The following PCBP3 variants were observed in gnomAD, a reference collection of about 807,000 sequenced individuals.
PCBP3 encodes poly(rC)-binding protein 3.
Under a neutral mutation model 52.7 loss-of-function variants are expected in PCBP3, and 25 were observed. The ratio of observed to expected loss-of-function variants is 0.47; its 90% confidence interval spans 0.35 to 0.66. PCBP3 has a LOEUF of 0.66. PCBP3 is among the 30% of genes least tolerant of loss of function. The pLI is 0.01. For synonymous variants in PCBP3, 162 were observed against 183.0 expected (o/e 0.89, Z 0.93); for missense variants, 391 against 490.3 (o/e 0.80, Z 1.91).
chr21:45,832,600 G>C (rs1034371463), intron 4 of PCBP3: 4 of 152,198 alleles, frequency 2.6e-5, no homozygotes, highest in Non-Finnish European at 5.9e-5. Flanking sequence ...CCGTGGCCCC[G>C]TGCTGACCTC....
At chr21:45,934,428 C>T (rs1163330903) in intron 15 of PCBP3, among the ~76,000 whole-genome samples, 1 of 152,174 alleles carries the variant, frequency 6.6e-6, no homozygotes, top group Non-Finnish European at 1.5e-5. Context: ...GAGAGGTTGT[C>T]TTTTATCTGA....
intron 4 of PCBP3, chr21:45,761,308 G>A (rs2088634985): frequency 6.6e-6 from 1 of 152,114 alleles, no homozygotes; most frequent in African/African-American, 2.4e-5. Context: ...CCGCTCCATG[G>A]TCATTCCTTC....
rs904256414 is a variant in PCBP3, at chr21:45,913,856, G to A, written c.601-95G>A. The A allele has an allele frequency of 4.3e-6, 5 of 1,163,782 alleles. No homozygotes were observed. In the African/African-American group the frequency reaches 4.6e-5, roughly 11 times the overall value. The allele number at this position is 1,163,782 out of a possible 1,614,324, so 72.1% of individuals were successfully genotyped here. ...GTGTGGGGAGCGTGGAGCTGGTGCA[G>A]GGGGCTGAGTGGGGTGGGCCGGGGC... On this transcript the variant is annotated intron_variant, in intron 11 of 17. Coordinates refer to ENST00000681687, the MANE Select transcript of PCBP3 (RefSeq NM_001384156.1).
intron 4 of PCBP3, among the ~76,000 whole-genome samples, chr21:45,769,439 G>A (rs1462088972): frequency 6.6e-6 from 1 of 152,274 alleles, no homozygotes; most frequent in African/African-American, 2.4e-5. Flanking sequence ...GACTGTGGGC[G>A]CATCGCCTGT....
chr21:45,679,583 C>A (rs757258144), intron 2 of PCBP3, among the ~76,000 whole-genome samples: 1 of 151,958 alleles, frequency 6.6e-6, no homozygotes, highest in African/African-American at 2.4e-5. Context: ...TATTATGGTA[C>A]CTGAAAAATG....
chr21:45,789,206 A>G (rs2091363316), intron 4 of PCBP3, among the ~76,000 whole-genome samples: 1 of 152,224 alleles, frequency 6.6e-6, no homozygotes, highest in Non-Finnish European at 1.5e-5. Flanking sequence ...GTGTCTGCAC[A>G]TGCAAATGTG....
chr21:45,844,892 T>C (rs1421619985), intron 4 of PCBP3, among the ~76,000 whole-genome samples: 1 of 150,026 alleles, frequency 6.7e-6, no homozygotes, highest in East Asian at 1.9e-4. Context: ...TATACGTATA[T>C]AAAGTTTATA....
At chr21:45,721,271 G>A (rs12483701) in intron 2 of PCBP3, among the ~76,000 whole-genome samples, 22,572 of 152,080 alleles carry the variant, frequency 0.15, 1,895 homozygotes, top group Middle Eastern at 0.3. Context: ...AAATTAGCCA[G>A]GCATGGTGGC....
chr21:45,669,808 T>C (rs986069770), intron 2 of PCBP3, among the ~76,000 whole-genome samples: 1,090 of 55,274 alleles, frequency 0.02, 38 homozygotes, highest in Admixed American at 0.1. Context: ...TGTGTGTGTA[T>C]ATATATATAT....
At chr21:45,875,411 C>T (rs1157749346) in intron 5 of PCBP3, among the ~76,000 whole-genome samples, 1 of 152,252 alleles carries the variant, frequency 6.6e-6, no homozygotes, top group East Asian at 1.9e-4. Flanking sequence ...CGCCTTGCTG[C>T]TGCTTTTCAC....
chr21:45,767,451 G>T (rs761270799), intron 4 of PCBP3, among the ~76,000 whole-genome samples: 5 of 152,120 alleles, frequency 3.3e-5, no homozygotes, highest in Non-Finnish European at 5.9e-5. Flanking sequence ...AGTGACATTG[G>T]TTTTTTTCCT....
At chr21:45,706,024 C>T (rs1337143500) in intron 2 of PCBP3, among the ~76,000 whole-genome samples, 1 of 152,188 alleles carries the variant, frequency 6.6e-6, no homozygotes, top group Non-Finnish European at 1.5e-5. Context: ...AGCCTTTCAC[C>T]ATTCAAGACA....
At chr21:45,885,284 G>GA (rs1364265179) in intron 5 of PCBP3, among the ~76,000 whole-genome samples, 8 of 152,128 alleles carry the variant, frequency 5.3e-5, no homozygotes, top group Non-Finnish European at 1.2e-4. Context: ...CCTGTAGCAT[G>GA]GGGTCATGTC....
At chr21:45,847,180 A>G (rs2093832748) in intron 4 of PCBP3, among the ~76,000 whole-genome samples, 4 of 151,304 alleles carry the variant, frequency 2.6e-5, no homozygotes, top group Admixed American at 2.6e-4. Context: ...AACACCTCTC[A>G]TTGCACCCTT....
At chr21:45,854,755 A>C (rs1269802754) in intron 5 of PCBP3, among the ~76,000 whole-genome samples, 1 of 152,140 alleles carries the variant, frequency 6.6e-6, no homozygotes, top group African/African-American at 2.4e-5. Context: ...GTGTTTTCTT[A>C]ATTTCCCTCT....
At chr21:45,664,078 T>G (rs1428514066) in intron 1 of PCBP3, among the ~76,000 whole-genome samples, 1 of 149,302 alleles carries the variant, frequency 6.7e-6, no homozygotes, top group Non-Finnish European at 1.5e-5. Context: ...ACATGTATAA[T>G]AAACTCAGTA....
At chr21:45,896,894 T>C (rs9982609) in intron 6 of PCBP3, among the ~76,000 whole-genome samples, 3,561 of 19,670 alleles carry the variant, frequency 0.18, 113 homozygotes, top group Middle Eastern at 0.33. Context: ...GAACCGGAGA[T>C]GCACTGCCTG....
At chr21:45,783,848 C>G (rs2090836432) in intron 4 of PCBP3, among the ~76,000 whole-genome samples, 1 of 152,142 alleles carries the variant, frequency 6.6e-6, no homozygotes. Flanking sequence ...TCCTCCTCAC[C>G]CTTGGGGAGC....
At chr21:45,676,959 G>A (rs1277387929) in intron 2 of PCBP3, among the ~76,000 whole-genome samples, 1 of 151,998 alleles carries the variant, frequency 6.6e-6, no homozygotes, top group African/African-American at 2.4e-5. Context: ...TTTTAGTAGA[G>A]GCGGGGTTTC....
Sources: allele counts gnomAD v4.1 joint callset (sites outside exome capture counted in the v4.1 genomes callset), GRCh38; gene constraint gnomAD v4.1.1; transcripts MANE v1.5; gene names NCBI Gene and HGNC (gene_info 2026-07-23, HGNC 2026-07-21).